Variants in PLPPR5 observed in about 807,000 individuals in gnomAD.
PLPPR5 encodes the protein phospholipid phosphatase related 5, also known as phospholipid phosphatase-related protein type 5.
PLPPR5 carries 16 observed loss-of-function variants against 33.9 expected under a neutral mutation model. The observed-to-expected ratio is 0.47, with a 90% CI of 0.32 to 0.72. PLPPR5 has a LOEUF of 0.72. PLPPR5 is among the 30% of genes least tolerant of loss of function. The pLI is 0.03. For synonymous variants in PLPPR5, 163 were observed against 150.3 expected (o/e 1.08, Z -0.62); for missense variants, 301 against 406.7 (o/e 0.74, Z 2.23).
chr1:98,990,232 G>A (rs887905118), intron 1 of PLPPR5, among the ~76,000 whole-genome samples: 6 of 152,042 alleles, frequency 3.9e-5, no homozygotes, highest in Admixed American at 1.3e-4. Flanking sequence ...AGCCAGGCAT[G>A]GTGGTGCACG....
At chr1:98,904,960 T>C (rs1490941757) in intron 5 of PLPPR5, among the ~76,000 whole-genome samples, 1 of 152,204 alleles carries the variant, frequency 6.6e-6, no homozygotes, top group African/African-American at 2.4e-5. Context: ...AACAGCAGAC[T>C]TTGCCAAATG....
chr1:98,920,959 A>G (rs1464883048), intron 4 of PLPPR5, among the ~76,000 whole-genome samples: 2 of 152,146 alleles, frequency 1.3e-5, no homozygotes, highest in East Asian at 3.9e-4. Flanking sequence ...CAGGCTGTTT[A>G]TTATATACTC....
intron 3 of PLPPR5, among the ~76,000 whole-genome samples, chr1:98,945,117 T>C (rs919572991): frequency 1.3e-5 from 2 of 152,190 alleles, no homozygotes; most frequent in East Asian, 1.9e-4. Context: ...AATTGTTGCA[T>C]ATGGAAAAGA....
chr1:98,899,674 T>TTTTTTTTTTG, intron 5 of PLPPR5, among the ~76,000 whole-genome samples: 1 of 151,104 alleles, frequency 6.6e-6, no homozygotes, highest in Admixed American at 6.6e-5. Flanking sequence ...TTTTTTTTTT[T>TTTTTTTTTTG]TTGAGACGGA....
intron 3 of PLPPR5, among the ~76,000 whole-genome samples, 190 bp downstream of exon 3, chr1:98,952,880 C>G (rs930410072): frequency 6.6e-6 from 1 of 152,192 alleles, no homozygotes; most frequent in Non-Finnish European, 1.5e-5. Flanking sequence ...CACACATAAT[C>G]TCATGAGAGT....
At chr1:98,958,509 A>G (rs563831195) in intron 1 of PLPPR5, among the ~76,000 whole-genome samples, 1 of 152,108 alleles carries the variant, frequency 6.6e-6, no homozygotes, top group East Asian at 1.9e-4. Flanking sequence ...GTGAGAGTGG[A>G]TTGAGTTGGG....
At chr1:98,935,911 G>A (rs922343064) in intron 3 of PLPPR5, among the ~76,000 whole-genome samples, 8 of 152,100 alleles carry the variant, frequency 5.3e-5, no homozygotes, top group African/African-American at 7.2e-5. Context: ...CACCCAGAAC[G>A]AAGTGCCCAG....
chr1:98,910,951 T>C (rs533373423), intron 5 of PLPPR5, among the ~76,000 whole-genome samples: 53 of 151,596 alleles, frequency 3.5e-4, no homozygotes, highest in African/African-American at 1.2e-3. Context: ...ACGATGTAAT[T>C]CAAAGACCTG....
At chr1:98,984,945 T>C (rs1652199864) in intron 1 of PLPPR5, among the ~76,000 whole-genome samples, 1 of 151,994 alleles carries the variant, frequency 6.6e-6, no homozygotes, top group Non-Finnish European at 1.5e-5. Flanking sequence ...CCAAAATATA[T>C]CTTTCTTGTA....
At chr1:98,901,855 T>A (rs1426888022) in intron 5 of PLPPR5, among the ~76,000 whole-genome samples, 1 of 152,034 alleles carries the variant, frequency 6.6e-6, no homozygotes, top group African/African-American at 2.4e-5. Flanking sequence ...TACTTATAAT[T>A]GTGGAAAATT....
At chr1:98,905,799 T>C (rs1648872746) in intron 5 of PLPPR5, among the ~76,000 whole-genome samples, 3 of 152,324 alleles carry the variant, frequency 2.0e-5, no homozygotes, top group African/African-American at 7.2e-5. Flanking sequence ...GCTAAACATT[T>C]TCTGTACTTT....
At chr1:98,909,583 C>T (rs111562308) in intron 5 of PLPPR5, among the ~76,000 whole-genome samples, 2,683 of 151,760 alleles carry the variant, frequency 0.018, 83 homozygotes, top group African/African-American at 0.061. Flanking sequence ...AGTGCTTTTA[C>T]CATTAACTTA....
intron 1 of PLPPR5, among the ~76,000 whole-genome samples, chr1:98,975,898 G>A (rs1242855895): frequency 1.3e-5 from 2 of 151,854 alleles, no homozygotes; most frequent in Non-Finnish European, 2.9e-5. Flanking sequence ...AGATCGTTGA[G>A]GACTTCCTTT....
intron 4 of PLPPR5, 58 bp from the exon 5 acceptor site, chr1:98,914,978 C>T: frequency 6.5e-7 from 1 of 1,531,320 alleles, no homozygotes; most frequent in Middle Eastern, 1.7e-4. Context: ...TGACTTTCAG[C>T]CTTTTGAGGA....
At chr1:98,973,267 ACTAT>A (rs1321229625) in intron 1 of PLPPR5, among the ~76,000 whole-genome samples, 2 of 152,132 alleles carry the variant, frequency 1.3e-5, no homozygotes, top group East Asian at 3.9e-4. Context: ...TATACAAATA[ACTAT>A]CTATAAATAC....
Position 98,920,593 on chromosome 1 carries a change from C to CAAAAAAAAAAAAAAAAAAAAAAAAAAAAA in PLPPR5, c.798+1288_798+1289insTTTTTTTTTTTTTTTTTTTTTTTTTTTTT, listed in dbSNP as rs763477562. Among the ~76,000 whole-genome samples the CAAAAAAAAAAAAAAAAAAAAAAAAAAAAA allele has an allele frequency of 5.4e-4, 37 of 69,016 alleles. 7 individuals are homozygous for CAAAAAAAAAAAAAAAAAAAAAAAAAAAAA. Among genetic ancestry groups the CAAAAAAAAAAAAAAAAAAAAAAAAAAAAA allele is most frequent in the African/African-American group, 9.5e-4 (20 of 21,124 alleles). The allele number at this position is 69,016 out of a possible 152,430, so 45.3% of individuals were successfully genotyped here. ...TGGGAATCACAGAGAGTGGTATCAC[C>CAAAAAAAAAAAAAAAAAAAAAAAAAAAAA]AAAAAAAAAAAAAAAAGCAGCACAG... On this transcript the variant is annotated intron_variant, in intron 4 of 5. Transcript: ENST00000263177.
chr1:98,985,933 A>G (rs1046625391), intron 1 of PLPPR5, among the ~76,000 whole-genome samples: 4 of 152,178 alleles, frequency 2.6e-5, no homozygotes, highest in African/African-American at 9.6e-5. Flanking sequence ...ACTGTATACA[A>G]TGCAACATAT....
chr1:98,971,224 A>C (rs1170660407), intron 1 of PLPPR5, among the ~76,000 whole-genome samples: 1 of 152,100 alleles, frequency 6.6e-6, no homozygotes, highest in Non-Finnish European at 1.5e-5. Context: ...AAATAACATG[A>C]TTTCAGATAA....
chr1:98,948,080 G>A (rs309072), intron 3 of PLPPR5, among the ~76,000 whole-genome samples: 73,472 of 151,906 alleles, frequency 0.48, 18,326 homozygotes, highest in East Asian at 0.71. Context: ...TTCTACTCCA[G>A]ACACAATCCC....
Sources: allele counts gnomAD v4.1 joint callset (sites outside exome capture counted in the v4.1 genomes callset), GRCh38; gene constraint gnomAD v4.1.1; transcripts MANE v1.5; gene names NCBI Gene and HGNC (gene_info 2026-07-23, HGNC 2026-07-21).